Variants in PPP2R3B observed in about 807,000 individuals in gnomAD.
PPP2R3B encodes the protein protein phosphatase 2 regulatory subunit B''beta.
PPP2R3B carries 68 observed loss-of-function variants against 72.9 expected under a neutral mutation model. That is an observed-to-expected ratio of 0.93 (90% CI 0.77 to 1.14). PPP2R3B has a LOEUF of 1.14. Among genes scored for constraint, PPP2R3B ranks in the 50% most tolerant of loss-of-function variants. The pLI is 0.00. For synonymous variants in PPP2R3B, 466 were observed against 375.8 expected (o/e 1.24, Z -2.78); for missense variants, 1,018 against 842.0 (o/e 1.21, Z -2.59).
chrX:367,644 AAG>A (rs1226709205), intron 1 of PPP2R3B, among the ~76,000 whole-genome samples: 2 of 152,192 alleles, frequency 1.3e-5, no homozygotes, highest in African/African-American at 4.8e-5. Context: ...CAAGCTGAAA[AAG>A]AGCAGGAGAC....
chrX:369,621 C>T (rs1203311989), intron 1 of PPP2R3B, among the ~76,000 whole-genome samples: 1 of 152,236 alleles, frequency 6.6e-6, no homozygotes, highest in African/African-American at 2.4e-5. Flanking sequence ...AGGCCACGTG[C>T]ACCGTGACAC....
At chrX:342,059 C>T in intron 7 of PPP2R3B, 128 bp from the exon 8 acceptor site, 1 of 1,189,148 alleles carries the variant, frequency 8.4e-7, no homozygotes, top group Non-Finnish European at 1.3e-6. Context: ...TGGGAGAGCC[C>T]CGGGGCCCCG....
At chrX:355,988 A>G (rs911417085) in intron 2 of PPP2R3B, among the ~76,000 whole-genome samples, 2 of 152,194 alleles carry the variant, frequency 1.3e-5, no homozygotes, top group African/African-American at 4.8e-5. Context: ...CACATCAGTT[A>G]TATCTCAACA....
intron 2 of PPP2R3B, among the ~76,000 whole-genome samples, chrX:358,161 G>A (rs1313783398): frequency 6.6e-6 from 1 of 152,170 alleles, no homozygotes; most frequent in Admixed American, 6.5e-5. Context: ...CCGGGGGCCC[G>A]GCTCACAGAA....
intron 8 of PPP2R3B, 105 bp from the exon 9 acceptor site, chrX:341,501 C>A: frequency 1.8e-6 from 2 of 1,118,228 alleles, no homozygotes; most frequent in Admixed American, 3.5e-5. Context: ...CCCCCGGGCC[C>A]GGCCCTCCTC....
intron 2 of PPP2R3B, among the ~76,000 whole-genome samples, chrX:359,150 G>C (rs1403866878): frequency 6.6e-6 from 1 of 152,136 alleles, no homozygotes; most frequent in Non-Finnish European, 1.5e-5. Flanking sequence ...GAGACCCTGT[G>C]GGTGGGGCCG....
chrX:352,249 TTTCG>T (rs1402046988), intron 2 of PPP2R3B, among the ~76,000 whole-genome samples: 16 of 152,194 alleles, frequency 1.1e-4, no homozygotes, highest in African/African-American at 3.9e-4. Context: ...TTAAAAGTCT[TTTCG>T]TGATCGACAC....
intron 1 of PPP2R3B, among the ~76,000 whole-genome samples, chrX:374,749 G>C (rs1184857443): frequency 6.6e-6 from 1 of 152,160 alleles, no homozygotes. Context: ...CTCCTTGGAC[G>C]GGTCACTATC....
chrX:373,358 GT>G (rs2071908966), intron 1 of PPP2R3B, among the ~76,000 whole-genome samples: 2 of 152,190 alleles, frequency 1.3e-5, no homozygotes, highest in African/African-American at 4.8e-5. Context: ...GCCCGAGCGG[GT>G]CCCCTGCGCC....
intron 1 of PPP2R3B, among the ~76,000 whole-genome samples, chrX:378,058 T>C (rs2072038154): frequency 6.6e-6 from 1 of 152,204 alleles, no homozygotes; most frequent in Non-Finnish European, 1.5e-5. Context: ...CAGGGCTGTC[T>C]ATACACTACT....
chrX:383,934 A>G (rs1258385525), intron 1 of PPP2R3B, among the ~76,000 whole-genome samples: 1 of 151,080 alleles, frequency 6.6e-6, no homozygotes, highest in African/African-American at 2.4e-5. Context: ...ACACCTTATT[A>G]TACCCCTCCT....
rs1175187750 is a variant in PPP2R3B at position 338,623 on chromosome X, CCG to C, written c.1556_1557del (p.Ala519GlyfsTer81). On this transcript the variant is annotated frameshift_variant, in exon 12 of 13. Transcript: ENST00000390665. LOFTEE classifies it high-confidence loss of function. ...EYDILVAEET[A>X]GEPWEDGFEA... The stretch of plus-strand genomic sequence containing the variant: ...ACTCACCCGTCCTCCCAGGGCTCTC[CCG>C]CAGTCTCCTCGGCCACCAGGATGTC... 5 of 1,610,262 alleles carry C rather than the reference CCG, an allele frequency of 3.1e-6. No homozygotes were observed. The highest frequency in any genetic ancestry group is 4.2e-6 in the Non-Finnish European group (5 of 1,179,514).
chrX:364,592 C>CCT (rs1307539938), intron 1 of PPP2R3B, among the ~76,000 whole-genome samples: 3 of 148,922 alleles, frequency 2.0e-5, no homozygotes, highest in African/African-American at 7.5e-5. Context: ...GTGGAGGGTG[C>CCT]CTGTACTCCC....
intron 2 of PPP2R3B, among the ~76,000 whole-genome samples, chrX:350,090 C>A (rs1338129229): frequency 6.6e-6 from 1 of 152,192 alleles, no homozygotes; most frequent in Non-Finnish European, 1.5e-5. Context: ...AGTCCCACTG[C>A]CCGGTTTCAA....
chrX:364,523 A>AAC (rs1556212544), intron 1 of PPP2R3B, among the ~76,000 whole-genome samples: 13 of 143,344 alleles, frequency 9.1e-5, no homozygotes, highest in African/African-American at 3.1e-4. Context: ...AAAAAAAACA[A>AAC]AAAAAAAAAA....
rs2071588372 is a variant in PPP2R3B, at chrX:363,350, G to GTGCATCTCCCCGAGCCCACCATCCCA, written c.325-1761_325-1760insTGGGATGGTGGGCTCGGGGAGATGCA. Among the ~76,000 whole-genome samples, 7 of 75,944 alleles carry GTGCATCTCCCCGAGCCCACCATCCCA rather than the reference G, an allele frequency of 9.2e-5. 3 individuals are homozygous for GTGCATCTCCCCGAGCCCACCATCCCA. The highest frequency in any genetic ancestry group is 1.0e-3 in the South Asian group (2 of 1,968). 49.8% of individuals were successfully genotyped at this position (75,944 alleles called of 152,430 possible). On this transcript the variant is annotated intron_variant, in intron 1 of 12. Coordinates refer to ENST00000390665, the MANE Select transcript of PPP2R3B (RefSeq NM_013239.5). ...TGCATCTCCCCGAGCCCACCATCCC[G>GTGCATCTCCCCGAGCCCACCATCCCA]CAGTGCATCTCTCCGAGCCCACCAT...
chrX:350,698 C>T (rs1320938413), intron 2 of PPP2R3B, among the ~76,000 whole-genome samples: 6 of 152,226 alleles, frequency 3.9e-5, no homozygotes, highest in Non-Finnish European at 5.9e-5. Flanking sequence ...GGACTGAAGA[C>T]GCCAGGTCCC....
intron 2 of PPP2R3B, 60 bp downstream of exon 2, chrX:361,345 T>A: frequency 6.3e-7 from 1 of 1,593,358 alleles, no homozygotes; most frequent in East Asian, 2.3e-5. Flanking sequence ...CCGCTCCGCC[T>A]CACCCTCACA....
rs2071240508 is a variant in PPP2R3B, at chrX:347,267, G to A, written c.684C>T (p.Tyr228=). ...VHLLMSPGCN[Y]LVQEDFVPFL... ...AGGGGACAAAGTCCTCCTGCACCAG[G>A]TAGTTGCAGCCGGGGCTCATGAGCA... Residue 228 remains tyrosine, a synonymous_variant, in exon 4 of 13, where the codon TAC becomes TAT. Coordinates refer to ENST00000390665, the MANE Select transcript of PPP2R3B (RefSeq NM_013239.5). 1.2e-6 allele frequency: 2 copies of A among 1,613,680 alleles called. No individual in the cohort carries two copies. Among genetic ancestry groups the A allele is most frequent in the Admixed American group, 1.7e-5 (1 of 59,990 alleles).
Sources: allele counts gnomAD v4.1 joint callset (sites outside exome capture counted in the v4.1 genomes callset), GRCh38; gene constraint gnomAD v4.1.1; transcripts MANE v1.5; gene names NCBI Gene and HGNC (gene_info 2026-07-23, HGNC 2026-07-21).